The following TMEM126A variants were observed in gnomAD, a reference collection of about 807,000 sequenced individuals.
TMEM126A encodes the protein optic atrophy 7.
In TMEM126A, 10 loss-of-function variants were observed where a neutral mutation model predicts 18.3. The ratio of observed to expected loss-of-function variants is 0.55; its 90% CI spans 0.34 to 0.93. The LOEUF (loss-of-function observed/expected upper bound fraction) is 0.93. TMEM126A is among the 40% of genes least tolerant of loss of function. The pLI is 0.02. For missense variants in TMEM126A, 246 were observed against 230.2 expected (o/e 1.07, Z -0.44); for synonymous variants, 68 against 78.1 (o/e 0.87, Z 0.68).
chr11:85,651,741 C>T (rs577890448), intron 2 of TMEM126A, among the ~76,000 whole-genome samples: 1 of 152,150 alleles, frequency 6.6e-6, no homozygotes, highest in African/African-American at 2.4e-5. Context: ...CTTTCACCCC[C>T]CCTCCCCACA....
chr11:85,656,260 T>C, intron 4 of TMEM126A, 49 bp from the exon 5 acceptor site: 1 of 1,548,800 alleles, frequency 6.5e-7, no homozygotes, highest in South Asian at 1.1e-5. Context: ...GGGTTTGCCA[T>C]TTGATGCAAC....
intron 1 of TMEM126A, among the ~76,000 whole-genome samples, chr11:85,649,095 T>G (rs12788692): frequency 6.6e-6 from 1 of 152,118 alleles, no homozygotes; most frequent in Non-Finnish European, 1.5e-5. Context: ...CCGCCGTGCC[T>G]GGCTAATTTT....
At chr11:85,650,475 A>T (rs2082491062) in intron 2 of TMEM126A, 134 bp downstream of exon 2, 2 of 713,736 alleles carry the variant, frequency 2.8e-6, no homozygotes, top group Admixed American at 4.8e-5. Context: ...TCTTGCCTGG[A>T]TGAGAGCGTT....
rs1212501988 is a variant in TMEM126A at position 85,655,695 on chromosome 11, G to A, written c.382G>A (p.Gly128Ser). The A allele has an allele frequency of 1.2e-6, 2 of 1,612,684 alleles. No individual in the cohort carries two copies. The highest frequency in any genetic ancestry group is 4.5e-5 in the East Asian group (2 of 44,810). ...PVFLAIPVNG[G>S]LAARYQSALL... is the part of the protein sequence containing the mutation. Reference sequence around the variant, plus strand: ...TTTCTTGGCTATACCTGTAAATGGTGGTCTAGCAGCCAGGTAGGAAATAAA... The same window carrying A: ...TTTCTTGGCTATACCTGTAAATGGTAGTCTAGCAGCCAGGTAGGAAATAAA... The change falls in exon 4 of 5, where the codon GGT becomes AGT. Residue 128 changes from glycine (G) to serine (S), a missense_variant. By Grantham distance (56) the Gly-to-Ser change is moderately conservative (BLOSUM62 0). Coordinates refer to ENST00000304511, the MANE Select transcript of TMEM126A (RefSeq NM_032273.4).
At chr11:85,653,715 G>A (rs1001781021) in intron 2 of TMEM126A, among the ~76,000 whole-genome samples, 1 of 152,150 alleles carries the variant, frequency 6.6e-6, no homozygotes, top group Non-Finnish European at 1.5e-5. Context: ...AACATCTTCT[G>A]TGTCAGGCTG....
chr11:85,648,004 A>G lies in TMEM126A; in HGVS notation c.-93A>G, dbSNP rs1256650104. 6.6e-6 allele frequency: 1 copy of G among 152,320 alleles called. No individual in the cohort carries two copies. The highest frequency in any genetic ancestry group is 6.5e-5 in the Admixed American group (1 of 15,280). 9.4% of individuals were successfully genotyped at this position (152,320 alleles called of 1,614,324 possible). A position where few individuals can be genotyped will look rare whatever the true frequency, so the allele number is the denominator to read the frequency against. On this transcript the variant is annotated 5_prime_UTR_variant, in exon 1 of 5. Coordinates refer to ENST00000304511, the MANE Select transcript of TMEM126A (RefSeq NM_032273.4). ...GAGTCAGCCAAAGATGGCTGCGCCC[A>G]GGTAATTTGAGCAAAGGCCACAGTG...
intron 3 of TMEM126A, among the ~76,000 whole-genome samples, chr11:85,654,700 G>C (rs1221642539): frequency 6.6e-6 from 1 of 152,154 alleles, no homozygotes; most frequent in Admixed American, 6.5e-5. Flanking sequence ...TGATCCACCC[G>C]CCTTGTCTTC....
chr11:85,654,324 CTT>C (rs2082522439), intron 3 of TMEM126A, 68 bp downstream of exon 3: 2 of 1,435,668 alleles, frequency 1.4e-6, no homozygotes, highest in African/African-American at 2.8e-5. Flanking sequence ...TTAGTCCATA[CTT>C]ATTAATATCA....
chr11:85,649,333 C>G (rs2082483107), intron 1 of TMEM126A, among the ~76,000 whole-genome samples: 1 of 152,264 alleles, frequency 6.6e-6, no homozygotes, highest in Admixed American at 6.5e-5. Context: ...CATCAACAAA[C>G]TACTGGCATG....
intron 3 of TMEM126A, among the ~76,000 whole-genome samples, chr11:85,654,768 T>G (rs1170373876): frequency 1.3e-5 from 2 of 152,006 alleles, no homozygotes; most frequent in African/African-American, 2.4e-5. Context: ...TCCCTTTTTC[T>G]AACATATCTT....
intron 3 of TMEM126A, 131 bp downstream of exon 3, chr11:85,654,387 A>G (rs1189910421): frequency 1.5e-5 from 13 of 868,786 alleles, no homozygotes; most frequent in Non-Finnish European, 2.0e-5. Context: ...TAGCCTATAT[A>G]ATGTGGCAAA....
At chr11:85,649,107 G>C (rs886824984) in intron 1 of TMEM126A, among the ~76,000 whole-genome samples, 9 of 152,036 alleles carry the variant, frequency 5.9e-5, no homozygotes, top group Non-Finnish European at 1.3e-4. Flanking sequence ...GCTAATTTTT[G>C]TATTTTTAAA....
chr11:85,648,598 C>T (rs2082477713), intron 1 of TMEM126A, among the ~76,000 whole-genome samples: 1 of 152,202 alleles, frequency 6.6e-6, no homozygotes, highest in South Asian at 2.1e-4. Flanking sequence ...ACAATATATA[C>T]ATACTAAATT....
intron 1 of TMEM126A, among the ~76,000 whole-genome samples, chr11:85,648,842 CAATA>C (rs1340336159): frequency 6.6e-6 from 1 of 151,528 alleles, no homozygotes. Context: ...AAACAGGTAG[CAATA>C]AATATTTAAA....
At chr11:85,652,970 T>G (rs1202876119) in intron 2 of TMEM126A, among the ~76,000 whole-genome samples, 1 of 152,090 alleles carries the variant, frequency 6.6e-6, no homozygotes, top group Non-Finnish European at 1.5e-5. Flanking sequence ...GCTTTTCACA[T>G]TTACATGGTT....
Position 85,650,250 on chromosome 11 carries a change from C to G in TMEM126A, c.-6C>G, listed in dbSNP as rs1233061702. ...AATGATATCTTCATGTTTTTTAAGG[C>G]TCAAAATGGAAAATCATAAATCCAA... On this transcript the variant is annotated splice_region_variant and 5_prime_UTR_variant, in exon 2 of 5. Coordinates refer to ENST00000304511, the MANE Select transcript of TMEM126A (RefSeq NM_032273.4). 6.4e-7 allele frequency: 1 copy of G among 1,565,784 alleles called. No individual in the cohort carries two copies. The highest frequency in any genetic ancestry group is 8.8e-7 in the Non-Finnish European group (1 of 1,141,586).
At chr11:85,655,554 C>T (rs113580531) in intron 3 of TMEM126A, 40 bp from the exon 4 acceptor site, 6 of 1,417,562 alleles carry the variant, frequency 4.2e-6, no homozygotes, top group Non-Finnish European at 6.0e-6. Context: ...GTTTGCTTGA[C>T]TATCATGACC....
intron 3 of TMEM126A, 55 bp from the exon 4 acceptor site, chr11:85,655,539 A>G (rs2082531579): frequency 2.4e-6 from 3 of 1,268,596 alleles, no homozygotes; most frequent in South Asian, 2.4e-5. Context: ...CATTCTTTAA[A>G]TCATGTTTGC....
chr11:85,651,157 C>T (rs1281073978), intron 2 of TMEM126A, among the ~76,000 whole-genome samples: 1 of 151,480 alleles, frequency 6.6e-6, no homozygotes, highest in Admixed American at 6.6e-5. Flanking sequence ...ATGTGTACTT[C>T]CACAAAATGT....
Sources: allele counts gnomAD v4.1 joint callset (sites outside exome capture counted in the v4.1 genomes callset), GRCh38; gene constraint gnomAD v4.1.1; transcripts MANE v1.5; gene names NCBI Gene and HGNC (gene_info 2026-07-23, HGNC 2026-07-21).